NECAP2: variants seen among roughly 807,000 people sequenced by gnomAD.
NECAP2 encodes the protein NECAP endocytosis associated 2, also known as adaptin ear-binding coat-associated protein 2.
A neutral mutation model predicts 37.8 loss-of-function variants in NECAP2; 38 were observed. The ratio of observed to expected loss-of-function variants is 1.01; its 90% CI spans 0.78 to 1.32. NECAP2 has a LOEUF of 1.32. NECAP2 is among the 40% of genes most tolerant of loss of function. NECAP2 has a pLI of 0.00. For synonymous variants in NECAP2, 121 were observed against 127.7 expected, an observed-to-expected ratio of 0.95 and a Z score of 0.35; for missense variants, 316 against 334.5, an observed-to-expected ratio of 0.94 and a Z score of 0.43.
Position 16,459,258 on chromosome 1 carries a change from T to G in NECAP2, c.*368T>G. On this transcript the variant is annotated 3_prime_UTR_variant, in exon 8 of 8. Coordinates refer to ENST00000337132, the MANE Select transcript of NECAP2 (RefSeq NM_018090.5). ...TTGCTGCCAGGATTCAGATCAGCCC[T>G]TCCCAGGGTCTGCAGGTGTCACATG... 3.7e-6 allele frequency: 1 copy of G among 272,524 alleles called. No homozygotes were observed. The highest frequency in any genetic ancestry group is 6.9e-6 in the Non-Finnish European group (1 of 144,470). The allele number at this position is 272,524 out of a possible 1,614,324, so 16.9% of individuals were successfully genotyped here.
rs1226202915 is a variant in NECAP2 at position 16,458,907 on chromosome 1, C to A, written c.*17C>A. On this transcript the variant is annotated 3_prime_UTR_variant, in exon 8 of 8. Transcript: ENST00000337132. ...CAGTTCTGACCTGAGCACGGTTTTT[C>A]CTCATGTGACTTCTGGGAAGGCGCT... 5.0e-6 allele frequency: 8 copies of A among 1,613,956 alleles called. No homozygotes were observed. In the African/African-American group the frequency reaches 1.1e-4, roughly 22 times the overall value.
intron 7 of NECAP2, among the ~76,000 whole-genome samples, chr1:16,456,109 T>C (rs1021954249): frequency 3.3e-5 from 5 of 151,546 alleles, no homozygotes; most frequent in Middle Eastern, 3.2e-3. Context: ...CTGCAACCTC[T>C]GCCTCCCAGG....
chr1:16,448,242 C>T, intron 4 of NECAP2, 101 bp downstream of exon 4: 1 of 1,195,238 alleles, frequency 8.4e-7, no homozygotes, highest in Non-Finnish European at 1.2e-6. Context: ...TGTGATTTGT[C>T]TGGCAGCAGA....
At chr1:16,444,237 G>A (rs1381180627) in intron 2 of NECAP2, among the ~76,000 whole-genome samples, 2 of 152,214 alleles carry the variant, frequency 1.3e-5, no homozygotes, top group South Asian at 4.1e-4. Context: ...AGCTGGCAGA[G>A]ATCGTCTTGG....
chr1:16,456,339 T>C (rs1165529267), intron 7 of NECAP2, among the ~76,000 whole-genome samples: 1 of 152,212 alleles, frequency 6.6e-6, no homozygotes, highest in African/African-American at 2.4e-5. Context: ...TTGGATGTTT[T>C]CAAGCTAGCC....
Position 16,440,777 on chromosome 1 carries a change from T to TAC in NECAP2, c.17_18dup (p.Glu7ThrfsTer41). On this transcript the variant is annotated frameshift_variant, in exon 1 of 8. Coordinates refer to ENST00000337132, the MANE Select transcript of NECAP2 (RefSeq NM_018090.5). LOFTEE classifies it high-confidence loss of function. ...AGGCGTCGCGATGGAGGAGAGCGGG[T>TAC]ACGAGTCGGTGCTCTGTGTCAAGCC... 1 of 1,613,992 alleles carries TAC rather than the reference T, an allele frequency of 6.2e-7. No homozygotes were observed. Among genetic ancestry groups the TAC allele is most frequent in the Non-Finnish European group, 8.5e-7 (1 of 1,179,938 alleles).
At chr1:16,450,374 T>G in intron 5 of NECAP2, 1 of 319,774 alleles carries the variant, frequency 3.1e-6, no homozygotes. Context: ...TTAGGGAGGG[T>G]TGGGGACTTG....
chr1:16,449,293 AGTT>A lies in NECAP2; in HGVS notation c.489+93_489+95del, dbSNP rs1255849364. ...GCTCTTCTTACAGTTCAGCTCCTTC[AGTT>A]CAGCAGATGTTTAGTGAGCATCTGC... On this transcript the variant is annotated intron_variant, in intron 5 of 7. Coordinates refer to ENST00000337132, the MANE Select transcript of NECAP2 (RefSeq NM_018090.5). 2.0e-5 allele frequency: 16 copies of A among 803,480 alleles called. No homozygotes were observed. In the East Asian group the frequency reaches 4.3e-4, roughly 22 times the overall value. The allele number at this position is 803,480 out of a possible 1,614,324, so 49.8% of individuals were successfully genotyped here.
chr1:16,441,050 A>C, intron 1 of NECAP2, 197 bp downstream of exon 1: 2 of 562,504 alleles, frequency 3.6e-6, no homozygotes, highest in Admixed American at 3.0e-5. Flanking sequence ...GACGCACGGG[A>C]CTCCTGGCGG....
rs555122023 is a variant in NECAP2 at position 16,448,697 on chromosome 1, T to TC, written c.381-390dup. Among the ~76,000 whole-genome samples the TC allele has an allele frequency of 2.5e-4, 38 of 152,036 alleles. No individual in the cohort carries two copies. The East Asian group carries it at 6.6e-3, about 26-fold the overall frequency. ...CCTCTACTTTTGGGTATCTGTCTTG[T>TC]CCCCCCGTCTGCCTTCTGAGTGTTT... On this transcript the variant is annotated intron_variant, in intron 4 of 7. Transcript: ENST00000337132.
chr1:16,442,566 G>A (rs1265818824), intron 1 of NECAP2, among the ~76,000 whole-genome samples: 2 of 152,214 alleles, frequency 1.3e-5, no homozygotes, highest in African/African-American at 2.4e-5. Flanking sequence ...GGAAACACCT[G>A]CGGTTCTTGC....
intron 6 of NECAP2, among the ~76,000 whole-genome samples, chr1:16,455,091 C>T (rs1278254162): frequency 1.8e-4 from 28 of 152,126 alleles, no homozygotes; most frequent in Admixed American, 1.8e-3. Context: ...CATTGAGGGC[C>T]CTAGTTTTAT....
chr1:16,444,876 G>A (rs1457334835), intron 2 of NECAP2, among the ~76,000 whole-genome samples: 3 of 152,192 alleles, frequency 2.0e-5, no homozygotes, highest in Non-Finnish European at 2.9e-5. Flanking sequence ...AGGCTGGAGT[G>A]CAGTGGCACG....
intron 5 of NECAP2, 198 bp downstream of exon 5, chr1:16,449,399 G>A: frequency 1.9e-6 from 1 of 536,602 alleles, no homozygotes; most frequent in Non-Finnish European, 3.3e-6. Context: ...AGACAGGCAG[G>A]TAAAAATGTG....
intron 6 of NECAP2, among the ~76,000 whole-genome samples, chr1:16,455,245 C>T (rs575884924): frequency 4.0e-4 from 61 of 152,186 alleles, no homozygotes; most frequent in Admixed American, 5.9e-4. Flanking sequence ...AGCCCCATGG[C>T]GTCGCCTACC....
At chr1:16,447,822 C>A in intron 2 of NECAP2, 48 bp from the exon 3 acceptor site, 1 of 1,528,752 alleles carries the variant, frequency 6.5e-7, no homozygotes, top group Non-Finnish European at 9.1e-7. Flanking sequence ...AAAACCTTGG[C>A]TGGAAGGGGG....
intron 2 of NECAP2, 84 bp from the exon 3 acceptor site, chr1:16,447,786 G>C (rs770470280): frequency 1.8e-6 from 2 of 1,082,220 alleles, no homozygotes; most frequent in Middle Eastern, 4.0e-4. Context: ...GATGCCTTGC[G>C]GGCAAAAGGC....
chr1:16,441,955 G>A (rs2086695760), intron 1 of NECAP2, among the ~76,000 whole-genome samples: 1 of 150,716 alleles, frequency 6.6e-6, no homozygotes, highest in South Asian at 2.1e-4. Flanking sequence ...ATTGATGGTC[G>A]TCTAGCCCCA....
rs1439066021 is a variant in NECAP2, at chr1:16,446,084, T to G, written c.194-1786T>G. On this transcript the variant is annotated intron_variant, in intron 2 of 7. Coordinates refer to ENST00000337132, the MANE Select transcript of NECAP2 (RefSeq NM_018090.5). The stretch of plus-strand genomic sequence containing the variant: ...TTAGCCGGGCGTGGTGGTGCATGCC[T>G]GTAAACCCGGCTATTCGGGAGGTTG... 2.0e-5 allele frequency among the ~76,000 whole-genome samples: 3 copies of G among 152,090 alleles called. No individual in the cohort carries two copies. The South Asian group carries it at 6.2e-4, about 32-fold the overall frequency.
Sources: allele counts gnomAD v4.1 joint callset (sites outside exome capture counted in the v4.1 genomes callset), GRCh38; gene constraint gnomAD v4.1.1; transcripts MANE v1.5; gene names NCBI Gene and HGNC (gene_info 2026-07-23, HGNC 2026-07-21).